The following FANCL variants were observed in gnomAD, a reference collection of about 807,000 sequenced individuals.
FANCL encodes the protein FA complementation group L.
Under a neutral mutation model 59.4 loss-of-function variants are expected in FANCL, and 69 were observed. The ratio of observed to expected loss-of-function variants is 1.16; its 90% confidence interval spans 0.96 to 1.42. The LOEUF (loss-of-function observed/expected upper bound fraction) is 1.42, where lower values mean the gene tolerates loss of function less well. Among genes scored for constraint, FANCL ranks in the 40% most tolerant of loss-of-function variants. The pLI, the probability that FANCL is intolerant of heterozygous loss-of-function variation, is 0.00. For synonymous variants in FANCL, 180 were observed against 147.1 expected (o/e 1.22, Z -1.62); for missense variants, 519 against 447.2 (o/e 1.16, Z -1.45).
chr2:58,217,166 T>TTATATATA (rs1158149205), intron 5 of FANCL, among the ~76,000 whole-genome samples: 1 of 47,342 alleles, frequency 2.1e-5, no homozygotes, highest in Non-Finnish European at 3.9e-5. Flanking sequence ...TTTATATATT[T>TTATATATA]TATATATATA....
chr2:58,166,974 G>T (rs1307683117), intron 7 of FANCL, among the ~76,000 whole-genome samples: 1 of 152,206 alleles, frequency 6.6e-6, no homozygotes, highest in Non-Finnish European at 1.5e-5. Context: ...AGCACTCTGG[G>T]AGGCTGAGGT....
At chr2:58,179,543 T>C (rs1687711978) in intron 7 of FANCL, among the ~76,000 whole-genome samples, 1 of 152,126 alleles carries the variant, frequency 6.6e-6, no homozygotes, top group Admixed American at 6.6e-5. Context: ...TGCAGAAAAC[T>C]CAAACGGGAC....
chr2:58,171,833 A>G (rs1350071823), intron 7 of FANCL, among the ~76,000 whole-genome samples: 1 of 152,212 alleles, frequency 6.6e-6, no homozygotes, highest in African/African-American at 2.4e-5. Flanking sequence ...GCAAAGGGTC[A>G]GGGAGTTCTC....
chr2:58,180,256 TAAAGAC>T, intron 7 of FANCL, among the ~76,000 whole-genome samples: 1 of 152,128 alleles, frequency 6.6e-6, no homozygotes, highest in Non-Finnish European at 1.5e-5. Flanking sequence ...CATGCTACTA[TAAAGAC>T]ATGCATACAT....
At chr2:58,192,811 G>A (rs1689063347) in intron 7 of FANCL, among the ~76,000 whole-genome samples, 1 of 151,732 alleles carries the variant, frequency 6.6e-6, no homozygotes, top group Admixed American at 6.6e-5. Flanking sequence ...GTTTGCCCCT[G>A]GAGAAACAGG....
intron 7 of FANCL, among the ~76,000 whole-genome samples, chr2:58,169,068 G>C (rs1686257655): frequency 6.6e-6 from 1 of 152,204 alleles, no homozygotes; most frequent in East Asian, 1.9e-4. Flanking sequence ...GAAAAGAGCA[G>C]CAGATCTCCC....
At chr2:58,233,951 T>C (rs779171792) in intron 1 of FANCL, among the ~76,000 whole-genome samples, 25 of 151,656 alleles carry the variant, frequency 1.6e-4, no homozygotes, top group Non-Finnish European at 3.1e-4. Context: ...TACGAGTAAA[T>C]AAAAAAACAA....
At chr2:58,225,171 A>G (rs1357967161) in intron 4 of FANCL, among the ~76,000 whole-genome samples, 1 of 151,634 alleles carries the variant, frequency 6.6e-6, no homozygotes, top group Non-Finnish European at 1.5e-5. Flanking sequence ...AAAGAAAATG[A>G]CTACAATAAA....
chr2:58,196,660 T>C (rs374576833), intron 7 of FANCL, among the ~76,000 whole-genome samples: 1 of 151,976 alleles, frequency 6.6e-6, no homozygotes, highest in East Asian at 1.9e-4. Flanking sequence ...AGTCACAAAC[T>C]GATTTTGTTA....
intron 7 of FANCL, among the ~76,000 whole-genome samples, chr2:58,184,092 A>G (rs1180280044): frequency 6.6e-6 from 1 of 152,036 alleles, no homozygotes; most frequent in Non-Finnish European, 1.5e-5. Flanking sequence ...CCTTAAAAGT[A>G]CCAAGATTCC....
chr2:58,234,749 T>C (rs998383221), intron 1 of FANCL, among the ~76,000 whole-genome samples: 1 of 151,764 alleles, frequency 6.6e-6, no homozygotes, highest in South Asian at 2.1e-4. Context: ...AGATCAAATA[T>C]ATAGAAAACA....
chr2:58,222,104 T>C lies in FANCL; in HGVS notation c.274-62A>G, dbSNP rs978610447. The stretch of plus-strand genomic sequence containing the variant: ...CGCAAGACAATGAACTGTTAATACC[T>C]GATTGCAAAACATAATTTCATTATC... On this transcript the variant is annotated intron_variant, in intron 4 of 13. Transcript: ENST00000233741. The C allele has an allele frequency of 4.1e-5, 47 of 1,143,524 alleles. No individual in the cohort carries two copies. In the African/African-American group the frequency reaches 6.0e-4, roughly 15 times the overall value. The allele number at this position is 1,143,524 out of a possible 1,614,324, so 70.8% of individuals were successfully genotyped here.
chr2:58,213,450 A>C (rs1021530992), intron 5 of FANCL: 1 of 152,266 alleles, frequency 6.6e-6, no homozygotes, highest in African/African-American at 2.4e-5. Context: ...TAATGGATTA[A>C]CACAAACAGA....
intron 7 of FANCL, among the ~76,000 whole-genome samples, chr2:58,173,384 G>A (rs1003038384): frequency 4.6e-5 from 7 of 152,182 alleles, no homozygotes; most frequent in Non-Finnish European, 8.8e-5. Context: ...GGCAGCCAGA[G>A]AGAAAGGTCG....
rs1690335259 is a variant in FANCL at position 58,204,162 on chromosome 2, C to T, written c.439G>A (p.Glu147Lys). ...KLKAEDASGR[E>K]HLITLKLKAK... ...TTCAACTTGAGAGTGATTAAATGCT[C>T]TCTACCAGAAGCATCTTCTGCTTTT... The change falls in exon 6 of 14, where the codon GAG (glutamate) becomes AAG (lysine). Residue 147 changes from glutamate (E) to lysine (K), a missense_variant. Glu to Lys is a moderately conservative substitution (Grantham distance 56). Coordinates refer to ENST00000233741, the MANE Select transcript of FANCL (RefSeq NM_018062.4). The T allele has an allele frequency of 6.2e-7, 1 of 1,613,230 alleles. No individual in the cohort carries two copies. The highest frequency in any genetic ancestry group is 8.5e-7 in the Non-Finnish European group (1 of 1,179,352).
chr2:58,211,116 C>G (rs1466647490), intron 5 of FANCL, among the ~76,000 whole-genome samples: 5 of 152,198 alleles, frequency 3.3e-5, no homozygotes, highest in South Asian at 2.1e-4. Flanking sequence ...TCCGCATTGT[C>G]CTAACAGAGG....
chr2:58,177,495 A>G (rs1687456380), intron 7 of FANCL, among the ~76,000 whole-genome samples: 2 of 151,838 alleles, frequency 1.3e-5, no homozygotes, highest in Admixed American at 1.3e-4. Flanking sequence ...CATGGATGAA[A>G]CTGGAAATCA....
At chr2:58,237,892 T>C (rs72618696) in intron 1 of FANCL, among the ~76,000 whole-genome samples, 40,061 of 152,116 alleles carry the variant, frequency 0.26, 6,390 homozygotes, top group South Asian at 0.41. Context: ...TGCATCTTTA[T>C]TGATCTCTCT....
intron 5 of FANCL, among the ~76,000 whole-genome samples, chr2:58,204,979 C>CA (rs1690444353): frequency 6.6e-6 from 1 of 151,850 alleles, no homozygotes; most frequent in East Asian, 1.9e-4. Context: ...AAGCTACTGC[C>CA]AAAAAGGTTC....
Sources: allele counts gnomAD v4.1 joint callset (sites outside exome capture counted in the v4.1 genomes callset), GRCh38; gene constraint gnomAD v4.1.1; transcripts MANE v1.5; gene names NCBI Gene and HGNC (gene_info 2026-07-23, HGNC 2026-07-21).